Variants in EYS observed in about 807,000 individuals in gnomAD.
EYS encodes the protein EGF-like photoreceptor maintenance factor, also known as protein eyes shut homolog.
In EYS, 250 loss-of-function variants were observed where a neutral mutation model predicts 282.1. That is an observed-to-expected ratio of 0.89 (90% confidence interval 0.80 to 0.98). EYS has a LOEUF of 0.98. Among genes scored for constraint, EYS ranks in the 50% least tolerant of loss-of-function variants. The pLI, the probability that EYS is intolerant of heterozygous loss-of-function variation, is 0.00. For missense variants in EYS, 4,016 were observed against 3,709.0 expected, an observed-to-expected ratio of 1.08 and a Z score of -2.15; for synonymous variants, 1,355 against 1,282.9, an observed-to-expected ratio of 1.06 and a Z score of -1.20.
chr6:65,120,257 A>C (rs993393576), intron 12 of EYS, among the ~76,000 whole-genome samples: 3 of 151,508 alleles, frequency 2.0e-5, no homozygotes, highest in Admixed American at 2.0e-4. Flanking sequence ...ATGAAAATCT[A>C]CCTCTTCCCC....
rs550140077 is a variant in EYS, at chr6:63,736,165, C to T, written c.8072-9485G>A. On this transcript the variant is annotated intron_variant, in intron 41 of 42. Coordinates refer to ENST00000503581, the MANE Select transcript of EYS (RefSeq NM_001142800.2). ...TTAGACGTGAAGTCCTTGCCCATGC[C>T]TATGTCCTGAATGGTATTGCCTAGG... Among the ~76,000 whole-genome samples the T allele has an allele frequency of 3.3e-5, 5 of 152,302 alleles. No homozygotes were observed. In the South Asian group the frequency reaches 8.3e-4, roughly 25 times the overall value.
rs116259040 is a variant in EYS, at chr6:64,710,422, T to G, written c.3444-84177A>C. On this transcript the variant is annotated intron_variant, in intron 22 of 42. Coordinates refer to ENST00000503581, the MANE Select transcript of EYS (RefSeq NM_001142800.2). ...CATAGGGCACCAATTCACCTCAGCCTTTCATTAGCCACGGACCAAATCCTT... is the reference window on the plus strand; with the variant it reads ...CATAGGGCACCAATTCACCTCAGCCGTTCATTAGCCACGGACCAAATCCTT... 7.9e-3 allele frequency among the ~76,000 whole-genome samples: 1,200 copies of G among 152,320 alleles called. 24 individuals carry two copies. Among genetic ancestry groups the G allele is most frequent in the African/African-American group, 0.027 (1,129 of 41,574 alleles).
intron 33 of EYS, among the ~76,000 whole-genome samples, chr6:64,030,239 CAAA>C (rs1769754547): frequency 6.6e-6 from 1 of 151,868 alleles, no homozygotes; most frequent in Non-Finnish European, 1.5e-5. Context: ...GAGGAAGAGA[CAAA>C]GAAGAAGTCG....
At chr6:64,522,477 T>A (rs954843946) in intron 26 of EYS, among the ~76,000 whole-genome samples, 1 of 151,698 alleles carries the variant, frequency 6.6e-6, no homozygotes, top group East Asian at 1.9e-4. Context: ...AGTAAGTTTG[T>A]TAGATGAAGG....
chr6:64,897,696 T>G (rs1562248510), intron 18 of EYS, among the ~76,000 whole-genome samples: 1 of 152,100 alleles, frequency 6.6e-6, no homozygotes, highest in South Asian at 2.1e-4. Flanking sequence ...GCAAGGAAGC[T>G]AAGAACCTTG....
chr6:64,275,474 G>T (rs1768080289), intron 30 of EYS, among the ~76,000 whole-genome samples: 1 of 144,824 alleles, frequency 6.9e-6, no homozygotes, highest in Admixed American at 6.8e-5. Flanking sequence ...TCTTGAGACG[G>T]AGTCTCGCTC....
intron 12 of EYS, among the ~76,000 whole-genome samples, chr6:65,255,728 A>G (rs1048681313): frequency 1.3e-5 from 2 of 152,096 alleles, no homozygotes; most frequent in Admixed American, 6.6e-5. Flanking sequence ...AACAAGACAT[A>G]TAAATGGCCA....
chr6:63,742,080 CCT>C, intron 41 of EYS: 1 of 666,332 alleles, frequency 1.5e-6, no homozygotes, highest in South Asian at 1.6e-5. Context: ...ATCTTTGAAA[CCT>C]CTTTAACTCT....
intron 41 of EYS, among the ~76,000 whole-genome samples, chr6:63,748,019 A>G (rs1769252287): frequency 6.6e-6 from 1 of 152,188 alleles, no homozygotes; most frequent in African/African-American, 2.4e-5. Flanking sequence ...TTTGCCCGTT[A>G]GTTGATGCAG....
At chr6:64,381,530 G>A (rs952465986) in intron 29 of EYS, among the ~76,000 whole-genome samples, 2 of 152,090 alleles carry the variant, frequency 1.3e-5, no homozygotes, top group African/African-American at 4.8e-5. Context: ...GTACAGGTGA[G>A]AATCACTGAT....
chr6:64,623,585 T>A (rs1395506176), intron 23 of EYS, among the ~76,000 whole-genome samples: 2 of 152,128 alleles, frequency 1.3e-5, no homozygotes, highest in Non-Finnish European at 2.9e-5. Flanking sequence ...ACATTTGATC[T>A]TCGAAATATA....
intron 8 of EYS, among the ~76,000 whole-genome samples, chr6:65,373,998 G>A (rs2150343848): frequency 6.6e-6 from 1 of 152,146 alleles, no homozygotes; most frequent in East Asian, 1.9e-4. Flanking sequence ...ATGCTTTTAT[G>A]TTCTGTGATA....
chr6:65,513,788 T>A (rs1460983541), intron 2 of EYS, among the ~76,000 whole-genome samples: 1 of 151,950 alleles, frequency 6.6e-6, no homozygotes, highest in Non-Finnish European at 1.5e-5. Context: ...ATGGGATGTA[T>A]CTCAAAATAA....
At chr6:64,297,272 A>G (rs1769066989) in intron 30 of EYS, among the ~76,000 whole-genome samples, 1 of 151,994 alleles carries the variant, frequency 6.6e-6, no homozygotes, top group African/African-American at 2.4e-5. Context: ...ACCTTGAACT[A>G]TTTTTCTCCT....
chr6:64,035,527 A>G (rs945545130), intron 33 of EYS, among the ~76,000 whole-genome samples: 3 of 152,190 alleles, frequency 2.0e-5, no homozygotes, highest in Non-Finnish European at 4.4e-5. Flanking sequence ...GGTTCTTTGA[A>G]GCCTAGGTTA....
At chr6:63,832,430 A>G (rs1328847879) in intron 36 of EYS, among the ~76,000 whole-genome samples, 1 of 152,240 alleles carries the variant, frequency 6.6e-6, no homozygotes, top group East Asian at 1.9e-4. Context: ...CAGGAATACT[A>G]TAAACACCTC....
intron 12 of EYS, among the ~76,000 whole-genome samples, chr6:65,199,882 A>G (rs1207022651): frequency 6.6e-6 from 1 of 152,092 alleles, no homozygotes; most frequent in African/African-American, 2.4e-5. Context: ...TGAAACAGGA[A>G]ACGTCCTAGA....
At chr6:64,852,629 G>A (rs915795899) in intron 19 of EYS, among the ~76,000 whole-genome samples, 4 of 152,106 alleles carry the variant, frequency 2.6e-5, no homozygotes, top group Non-Finnish European at 4.4e-5. Context: ...GTTAAGATGA[G>A]GTTATACTGA....
intron 1 of EYS, among the ~76,000 whole-genome samples, chr6:65,695,542 T>C (rs1013893723): frequency 1.3e-5 from 2 of 151,942 alleles, no homozygotes; most frequent in African/African-American, 4.8e-5. Flanking sequence ...AATAGGAGAA[T>C]GGTAGAAGTC....
Sources: allele counts gnomAD v4.1 joint callset (sites outside exome capture counted in the v4.1 genomes callset), GRCh38; gene constraint gnomAD v4.1.1; transcripts MANE v1.5; gene names NCBI Gene and HGNC (gene_info 2026-07-23, HGNC 2026-07-21).